Variants in MUC22 observed in about 807,000 individuals in gnomAD.
MUC22 encodes the protein mucin 22.
Under a neutral mutation model 40.3 loss-of-function variants are expected in MUC22, and 24 were observed. That is an observed-to-expected ratio of 0.60 (90% CI 0.43 to 0.84). The LOEUF (loss-of-function observed/expected upper bound fraction) is 0.84. MUC22 is among the 40% of genes least tolerant of loss of function. The probability of loss-of-function intolerance (pLI) is 0.00; values close to 1 mark genes in which losing one functional copy is unlikely to be tolerated. For missense variants in MUC22, 1,926 were observed against 2,130.7 expected (o/e 0.90, Z 1.89); for synonymous variants, 765 against 844.5 (o/e 0.91, Z 1.63).
chr6:31,035,248 G>GC, exon 4 of MUC22: 2 of 363,506 alleles, frequency 5.5e-6, no homozygotes, highest in South Asian at 8.3e-5. Flanking sequence ...CTGTTGTGGG[G>GC]AGTCACGACA....
intron 1 of MUC22, among the ~76,000 whole-genome samples, chr6:31,021,829 A>C (rs1407871830): frequency 6.6e-6 from 1 of 152,162 alleles, no homozygotes; most frequent in Non-Finnish European, 1.5e-5. Flanking sequence ...CCGAGCCAGC[A>C]GTGGCAACCT....
At position 31,026,527 on chromosome 6, in the gene MUC22, A is replaced by G; in HGVS notation, c.1096A>G (p.Thr366Ala). 5 of 1,500,998 alleles carry G rather than the reference A, an allele frequency of 3.3e-6. 1 individual carries two copies. The highest frequency in any genetic ancestry group is 4.4e-6 in the Non-Finnish European group (5 of 1,125,160). 93.0% of individuals were successfully genotyped at this position (1,500,998 alleles called of 1,614,324 possible). ...TACAGTCTCTATCACAGGCACTGAG[A>G]CCACCATGGTCTCTGCCATGGGCTC... Residue 366 changes from threonine (T) to alanine (A), a missense_variant, in exon 2 of 4, where the codon ACC (threonine) becomes GCC (alanine). Thr to Ala is a moderately conservative substitution (Grantham distance 58). This residue lies in a region of MUC22 where 1,281 missense variants were observed against 1,337.8 expected (regional missense o/e 0.96). Transcript: ENST00000561890.
At chr6:31,028,818 T>TACC in exon 2 of MUC22, 1 of 1,532,040 alleles carries the variant, frequency 6.5e-7, no homozygotes, top group East Asian at 2.5e-5. Flanking sequence ...CTACAGCCAC[T>TACC]ACCATAGGCT....
chr6:31,032,360 C>A lies in MUC22; in HGVS notation c.4834C>A (p.His1612Asn). Residue 1612 changes from histidine (H) to asparagine (N), a missense_variant, in exon 3 of 4, where the codon CAC (histidine) becomes AAC (asparagine). Physicochemically the swap from His to Asn is moderately conservative, Grantham distance 68. Around this residue, in one of 3 missense-constraint regions of MUC22, gnomAD observed 610 missense variants for 714.6 expected, o/e 0.85. Transcript: ENST00000561890. The surrounding 1 kb of genome is among the most constrained non-coding windows in gnomAD (Gnocchi z 4.1). ...GGGAGCATCATCTACCACCTCAGCC[C>A]ACGGCGTCAGGACCACCACAGGATC... 6.5e-7 allele frequency: 1 copy of A among 1,535,678 alleles called. No homozygotes were observed. Among genetic ancestry groups the A allele is most frequent in the Non-Finnish European group, 8.7e-7 (1 of 1,146,906 alleles).
rs1387550790 is a variant in MUC22 at position 31,032,183 on chromosome 6, A to G, written c.4670-13A>G. 8 of 1,525,984 alleles carry G rather than the reference A, an allele frequency of 5.2e-6. No individual in the cohort carries two copies. Among genetic ancestry groups the G allele is most frequent in the Admixed American group, 4.0e-5 (2 of 50,240 alleles). The allele number at this position is 1,525,984 out of a possible 1,614,324, so 94.5% of individuals were successfully genotyped here. On this transcript the variant is annotated splice_polypyrimidine_tract_variant and intron_variant, in intron 2 of 3. Transcript: ENST00000561890. The surrounding 1 kb of genome is among the most constrained non-coding windows in gnomAD (Gnocchi z 4.1). ...TGCTACAAATGCATCATCTTGTGTG[A>G]CCTGTTTCATAGGCACCAGAACCAC...
chr6:31,026,947 A>G (rs1268769704), exon 2 of MUC22: 1 of 1,495,612 alleles, frequency 6.7e-7, no homozygotes, highest in East Asian at 2.5e-5. Flanking sequence ...CTCTGAGACC[A>G]CTGCAGCCTC....
chr6:31,032,474 A>G lies in MUC22; in HGVS notation c.4948A>G (p.Asn1650Asp), dbSNP rs1313442698. 6 of 1,535,654 alleles carry G rather than the reference A, an allele frequency of 3.9e-6. No homozygotes were observed. Among genetic ancestry groups the G allele is most frequent in the African/African-American group, 1.4e-5 (1 of 73,134 alleles). ...AGTTAGCATGAGCCACACACCCACAAACGTGATCAAACCAAGTGGATATTT... is the reference window on the plus strand; with the variant it reads ...AGTTAGCATGAGCCACACACCCACAGACGTGATCAAACCAAGTGGATATTT... The change falls in exon 3 of 4, where the codon AAC becomes GAC. Residue 1650 changes from asparagine (N) to aspartate (D), a missense_variant. Asn to Asp is a conservative substitution (Grantham distance 23). Transcript: ENST00000561890. The surrounding 1 kb of genome is among the most constrained non-coding windows in gnomAD (Gnocchi z 4.1).
At chr6:31,016,758 G>C (rs139019975) in intron 1 of MUC22, among the ~76,000 whole-genome samples, 1 of 152,362 alleles carries the variant, frequency 6.6e-6, no homozygotes, top group East Asian at 1.9e-4. Context: ...GCCGAGGCCG[G>C]AGCCAGCTCC....
chr6:31,022,209 T>TG (rs1399174326), intron 1 of MUC22, among the ~76,000 whole-genome samples: 1 of 152,164 alleles, frequency 6.6e-6, no homozygotes, highest in Non-Finnish European at 1.5e-5. Flanking sequence ...GCTTCATTCT[T>TG]GAAGTCAGTG....
chr6:31,029,169 C>T (rs1765781639), exon 2 of MUC22: 1 of 1,534,888 alleles, frequency 6.5e-7, no homozygotes, highest in South Asian at 1.2e-5. Context: ...CTGAGACCAC[C>T]ACAGCCTCTA....
chr6:31,025,318 C>T (rs1765186616), intron 1 of MUC22, among the ~76,000 whole-genome samples, 184 bp from the exon 2 acceptor site: 1 of 152,126 alleles, frequency 6.6e-6, no homozygotes, highest in Non-Finnish European at 1.5e-5. Flanking sequence ...ATTATAAGCC[C>T]ATATCCCTTT....
At chr6:31,020,600 G>A (rs1201707505) in intron 1 of MUC22, among the ~76,000 whole-genome samples, 1 of 152,110 alleles carries the variant, frequency 6.6e-6, no homozygotes, top group Non-Finnish European at 1.5e-5. Flanking sequence ...CACCTCCTCT[G>A]CCTGGGCTCC....
rs1317043260 is a variant in MUC22, at chr6:31,025,819, G to A, written c.388G>A (p.Ala130Thr). 3.9e-6 allele frequency: 6 copies of A among 1,532,980 alleles called. No homozygotes were observed. In the East Asian group the frequency reaches 9.8e-5, roughly 25 times the overall value. The allele number at this position is 1,532,980 out of a possible 1,614,324, so 95.0% of individuals were successfully genotyped here. The change falls in exon 2 of 4, where the codon GCC becomes ACC. Residue 130 changes from alanine to threonine, a missense_variant. Ala to Thr is a moderately conservative substitution (Grantham distance 58). Around this residue, in one of 3 missense-constraint regions of MUC22, gnomAD observed 1,281 missense variants for 1,337.8 expected, o/e 0.96. Transcript: ENST00000561890. Reference sequence around the variant, plus strand: ...CACTGCAGGCTCTGAAACTATCGTGGCCTCCACCACAGTCTCTGGGACCAC... The same window carrying A: ...CACTGCAGGCTCTGAAACTATCGTGACCTCCACCACAGTCTCTGGGACCAC...
Position 31,023,540 on chromosome 6 carries a change from G to A in MUC22, c.71-1962G>A, listed in dbSNP as rs117121291. Among the ~76,000 whole-genome samples the A allele has an allele frequency of 1.0e-3, 157 of 152,238 alleles. 5 individuals are homozygous for A. In the East Asian group the frequency reaches 0.029, roughly 28 times the overall value. ...AGCCTGAGTGACAGAGCAAGACTCT[G>A]TCTCTAAAAAAGAATCAGACCCAAC... On this transcript the variant is annotated intron_variant, in intron 1 of 3. Coordinates refer to ENST00000561890, the Ensembl canonical transcript of MUC22.
At chr6:31,030,797 G>A (rs1016594260) in intron 2 of MUC22, among the ~76,000 whole-genome samples, 3 of 152,154 alleles carry the variant, frequency 2.0e-5, no homozygotes, top group African/African-American at 7.2e-5. Context: ...ATTGACTCTA[G>A]ACCAGAGGCT....
chr6:31,025,955 C>T lies in MUC22; in HGVS notation c.524C>T (p.Thr175Ile), dbSNP rs1470903030. The T allele has an allele frequency of 5.9e-6, 9 of 1,535,426 alleles. No homozygotes were observed. The South Asian group carries it at 9.5e-5, about 16-fold the overall frequency. ...ATGGCCTCCTCCATAATTTCTGAGA[C>T]CACCATGGCCTCCACCACAGGCTCT... The change falls in exon 2 of 4, where the codon ACC becomes ATC. Residue 175 changes from threonine to isoleucine, a missense_variant. Around this residue, in one of 3 missense-constraint regions of MUC22, gnomAD observed 1,281 missense variants for 1,337.8 expected, o/e 0.96. Coordinates refer to ENST00000561890, the Ensembl canonical transcript of MUC22.
rs572401161 is a variant in MUC22 at position 31,028,343 on chromosome 6, G to A, written c.2912G>A (p.Gly971Asp). The change falls in exon 2 of 4, where the codon GGC (glycine) becomes GAC (aspartate). Residue 971 changes from glycine (G) to aspartate (D), a missense_variant. By Grantham distance (94) the Gly-to-Asp change is moderately conservative (BLOSUM62 -1). Around this residue, in one of 3 missense-constraint regions of MUC22, gnomAD observed 1,281 missense variants for 1,337.8 expected, o/e 0.96. Transcript: ENST00000561890. ...GAGACCACCACCACTTCTACTGAAG[G>A]CTCTGAGATTACTACAGCCTCCATC... The A allele has an allele frequency of 1.4e-5, 22 of 1,532,200 alleles. 1 individual carries two copies. Among genetic ancestry groups the A allele is most frequent in the Admixed American group, 3.9e-5 (2 of 50,726 alleles). 94.9% of individuals were successfully genotyped at this position (1,532,200 alleles called of 1,614,324 possible). A position where few individuals can be genotyped will look rare whatever the true frequency, so the allele number is the denominator to read the frequency against.
Position 31,022,362 on chromosome 6 carries a change from C to T in MUC22, c.71-3140C>T, listed in dbSNP as rs1216309937. Among the ~76,000 whole-genome samples, 3 of 151,908 alleles carry T rather than the reference C, an allele frequency of 2.0e-5. 1 individual carries two copies. The East Asian group carries it at 5.8e-4, about 29-fold the overall frequency. On this transcript the variant is annotated intron_variant, in intron 1 of 3. Coordinates refer to ENST00000561890, the Ensembl canonical transcript of MUC22. ...TATTTTTAGTACAGATGGGGGTTCT[C>T]AATTTTGGTTAGGCTGGTATCGAAC...
At chr6:31,027,846 C>G in exon 2 of MUC22, 1 of 1,534,566 alleles carries the variant, frequency 6.5e-7, no homozygotes, top group Non-Finnish European at 8.7e-7. Context: ...GCTTGGAGAC[C>G]ACCACCACTT....
Sources: gnomAD v4.1 joint callset for allele counts (sites outside exome capture counted in the v4.1 genomes callset) on GRCh38, gnomAD v4.1.1 for gene constraint, gnomAD v4.1.1 regional missense constraint, Gnocchi (gnomAD v3.1) non-coding constraint, MANE v1.5 for transcripts, NCBI Gene and HGNC (gene_info 2026-07-23, HGNC 2026-07-21) for gene names.